The following RHEX variants were observed in gnomAD, a reference collection of about 807,000 sequenced individuals.
The protein encoded by RHEX is regulator of hemoglobinization and erythroid cell expansion protein.
Under a neutral mutation model 20.1 loss-of-function variants are expected in RHEX, and 18 were observed. The ratio of observed to expected loss-of-function variants is 0.90; its 90% CI spans 0.62 to 1.33. The LOEUF (loss-of-function observed/expected upper bound fraction) is 1.33, where lower values mean the gene tolerates loss of function less well. Among genes scored for constraint, RHEX ranks in the 40% most tolerant of loss-of-function variants. The pLI is 0.00. For synonymous variants in RHEX, 87 were observed against 77.1 expected (o/e 1.13, Z -0.67); for missense variants, 192 against 214.3 (o/e 0.90, Z 0.65).
At chr1:206,055,180 T>A (rs913984080) in intron 1 of RHEX, among the ~76,000 whole-genome samples, 19 of 152,256 alleles carry the variant, frequency 1.2e-4, no homozygotes, top group African/African-American at 1.7e-4. Context: ...TATCCCAAAG[T>A]CCCTGCGGGT....
intron 1 of RHEX, among the ~76,000 whole-genome samples, chr1:206,085,422 C>A (rs1571867117): frequency 6.6e-6 from 1 of 152,158 alleles, no homozygotes; most frequent in East Asian, 1.9e-4. Flanking sequence ...AATAATTTGA[C>A]CCCTTCTAAT....
At chr1:206,070,698 A>T (rs540176693) in intron 1 of RHEX, among the ~76,000 whole-genome samples, 1 of 152,216 alleles carries the variant, frequency 6.6e-6, no homozygotes, top group Admixed American at 6.5e-5. Context: ...TAAAAAGCAG[A>T]CTGCCTTTAG....
chr1:206,100,550 C>T (rs1213233728), intron 4 of RHEX, among the ~76,000 whole-genome samples: 2 of 152,184 alleles, frequency 1.3e-5, no homozygotes, highest in Non-Finnish European at 2.9e-5. Context: ...ACTGGAGAGG[C>T]ACTGGCCTTA....
At chr1:206,074,893 C>T (rs1011986347) in intron 1 of RHEX, among the ~76,000 whole-genome samples, 2 of 152,296 alleles carry the variant, frequency 1.3e-5, no homozygotes, top group Admixed American at 6.5e-5. Context: ...TTTTTCTGCA[C>T]GTGCCCAGGT....
chr1:206,093,553 G>C (rs781444567), intron 1 of RHEX, among the ~76,000 whole-genome samples: 1 of 152,152 alleles, frequency 6.6e-6, no homozygotes, highest in African/African-American at 2.4e-5. Context: ...ACAGGTGTGG[G>C]CTACTGCGCC....
chr1:206,079,111 A>AG (rs1304773606), intron 1 of RHEX, among the ~76,000 whole-genome samples: 1 of 152,182 alleles, frequency 6.6e-6, no homozygotes, highest in Non-Finnish European at 1.5e-5. Flanking sequence ...TTCCTTGTAA[A>AG]GTTGTTCTGA....
intron 1 of RHEX, among the ~76,000 whole-genome samples, chr1:206,092,183 C>A (rs990783304): frequency 1.1e-4 from 16 of 152,044 alleles, no homozygotes; most frequent in Non-Finnish European, 1.9e-4. Flanking sequence ...CTCAGCCTCC[C>A]AAAGTGCTAG....
At chr1:206,055,743 C>T (rs1553282530) in intron 1 of RHEX, among the ~76,000 whole-genome samples, 1 of 152,240 alleles carries the variant, frequency 6.6e-6, no homozygotes. Flanking sequence ...CGGCCCCAGC[C>T]CTGGGGCTAC....
At chr1:206,080,928 G>GGGACTAC (rs1571864686) in intron 1 of RHEX, among the ~76,000 whole-genome samples, 2 of 152,026 alleles carry the variant, frequency 1.3e-5, no homozygotes, top group East Asian at 3.9e-4. Flanking sequence ...TCAGCCTCCC[G>GGGACTAC]AGTAGCTGGG....
intron 1 of RHEX, among the ~76,000 whole-genome samples, chr1:206,079,097 T>C (rs1282251040): frequency 2.6e-5 from 4 of 152,242 alleles, no homozygotes; most frequent in Admixed American, 6.5e-5. Flanking sequence ...GTGTTCATGA[T>C]ATATTCCTTG....
In RHEX at chr1:206,083,131, T is replaced by C. The variant is rs868954048; in HGVS notation, c.-96-14602T>C. 2.6e-5 allele frequency among the ~76,000 whole-genome samples: 4 copies of C among 152,348 alleles called. No homozygotes were observed. In the East Asian group the frequency reaches 5.8e-4, roughly 22 times the overall value. On this transcript the variant is annotated intron_variant, in intron 1 of 5. Transcript: ENST00000331555. ...CATATAGATTCACAGATGAGCTAGGTTGGAAAGTATCTTTGCTAATATCTA... is the reference window on the plus strand; with the variant it reads ...CATATAGATTCACAGATGAGCTAGGCTGGAAAGTATCTTTGCTAATATCTA...
intron 1 of RHEX, among the ~76,000 whole-genome samples, chr1:206,086,334 T>C (rs1198555468): frequency 6.6e-6 from 1 of 152,108 alleles, no homozygotes; most frequent in Non-Finnish European, 1.5e-5. Flanking sequence ...GGCCCTCTAC[T>C]GAGCATTTTC....
chr1:206,063,920 C>T (rs1174244951), intron 1 of RHEX, among the ~76,000 whole-genome samples: 5 of 151,122 alleles, frequency 3.3e-5, no homozygotes, highest in African/African-American at 7.3e-5. Flanking sequence ...CGTCTCTGCC[C>T]GGCCGCCATC....
intron 1 of RHEX, among the ~76,000 whole-genome samples, chr1:206,069,496 T>C (rs1230005236): frequency 6.6e-6 from 1 of 152,202 alleles, no homozygotes; most frequent in African/African-American, 2.4e-5. Context: ...CACTAAATAT[T>C]GATTTCAAAA....
intron 1 of RHEX, among the ~76,000 whole-genome samples, chr1:206,083,224 C>T (rs1662772246): frequency 6.6e-6 from 1 of 152,202 alleles, no homozygotes; most frequent in Non-Finnish European, 1.5e-5. Flanking sequence ...ATTGTCTGAG[C>T]TCATGTGGCA....
intron 3 of RHEX, among the ~76,000 whole-genome samples, chr1:206,099,329 T>G (rs562278254): frequency 3.3e-5 from 5 of 152,152 alleles, no homozygotes; most frequent in African/African-American, 1.2e-4. Context: ...CCACTTTTTT[T>G]TTTTTTTGAG....
intron 4 of RHEX, among the ~76,000 whole-genome samples, chr1:206,100,602 A>G (rs1416212735): frequency 6.6e-6 from 1 of 152,160 alleles, no homozygotes; most frequent in Admixed American, 6.5e-5. Flanking sequence ...GCCTGGCTAG[A>G]ATCAGAGATT....
intron 1 of RHEX, among the ~76,000 whole-genome samples, chr1:206,078,848 C>G (rs1293756103): frequency 5.9e-5 from 9 of 152,300 alleles, no homozygotes; most frequent in Non-Finnish European, 5.9e-5. Context: ...GCCATGTTGT[C>G]ATTCTGTCTA....
rs1426874407 is a variant in RHEX at position 206,065,108 on chromosome 1, C to T, written c.-97+11843C>T. 4.6e-5 allele frequency among the ~76,000 whole-genome samples: 7 copies of T among 152,110 alleles called. No individual in the cohort carries two copies. In the East Asian group the frequency reaches 7.7e-4, roughly 17 times the overall value. ...CTCATTAAGAGTCATCACCACTCCC[C>T]AGTCTCAAGTACCCAGGGACACAAA... On this transcript the variant is annotated intron_variant, in intron 1 of 5. Transcript: ENST00000331555.
Sources: gnomAD v4.1 joint callset for allele counts (sites outside exome capture counted in the v4.1 genomes callset) on GRCh38, gnomAD v4.1.1 for gene constraint, MANE v1.5 for transcripts, NCBI Gene and HGNC (gene_info 2026-07-23, HGNC 2026-07-21) for gene names.